PPP2R5E: variants seen among roughly 807,000 people sequenced by gnomAD.
The protein encoded by PPP2R5E is serine/threonine-protein phosphatase 2A 56 kDa regulatory subunit epsilon isoform.
In PPP2R5E, 4 loss-of-function variants were observed where a neutral mutation model predicts 65.3. The ratio of observed to expected loss-of-function variants is 0.06; its 90% confidence interval spans 0.03 to 0.14. The LOEUF is 0.14. PPP2R5E is among the 10% of genes least tolerant of loss of function. The pLI, the probability that PPP2R5E is intolerant of heterozygous loss-of-function variation, is 1.00. For synonymous variants in PPP2R5E, 183 were observed against 187.4 expected, an observed-to-expected ratio of 0.98 and a Z score of 0.19; for missense variants, 274 against 556.1, an observed-to-expected ratio of 0.49 and a Z score of 5.10.
At chr14:63,382,023 T>C in intron 13 of PPP2R5E, 33 bp downstream of exon 13, 1 of 1,553,830 alleles carries the variant, frequency 6.4e-7, no homozygotes, top group Non-Finnish European at 8.8e-7. Context: ...AATAGCTTTA[T>C]GCACAGCTGA....
intron 3 of PPP2R5E, among the ~76,000 whole-genome samples, chr14:63,429,887 T>C (rs1166522433): frequency 1.3e-5 from 2 of 152,138 alleles, no homozygotes; most frequent in Non-Finnish European, 2.9e-5. Context: ...TTTCACTATG[T>C]TGGTCAGGCT....
rs1883740276 is a variant in PPP2R5E, at chr14:63,372,492, T to C, written c.*3517A>G. On this transcript the variant is annotated 3_prime_UTR_variant, in exon 14 of 14. Transcript: ENST00000337537. ...AGGTGACTGTCACTTTATGATAACA[T>C]TGGTAATAGCATCAAAAGAGAATCT... The C allele has an allele frequency of 6.6e-6, 1 of 152,086 alleles. No homozygotes were observed. Among genetic ancestry groups the C allele is most frequent in the Admixed American group, 6.6e-5 (1 of 15,250 alleles). 9.4% of individuals were successfully genotyped at this position (152,086 alleles called of 1,614,324 possible).
At chr14:63,508,210 C>T in intron 2 of PPP2R5E, 4 of 985,562 alleles carry the variant, frequency 4.1e-6, no homozygotes, top group Non-Finnish European at 4.8e-6. Context: ...TCACACACCT[C>T]TTTGGAGCCA....
chr14:63,422,498 G>A (rs536295122), intron 3 of PPP2R5E, among the ~76,000 whole-genome samples: 4 of 152,176 alleles, frequency 2.6e-5, no homozygotes, highest in Admixed American at 1.3e-4. Flanking sequence ...AGGCCAAGGT[G>A]GGGGGATCAC....
chr14:63,398,912 T>C (rs1294482459), intron 5 of PPP2R5E, among the ~76,000 whole-genome samples: 1 of 152,176 alleles, frequency 6.6e-6, no homozygotes, highest in Non-Finnish European at 1.5e-5. Flanking sequence ...CCCTCATACA[T>C]TGTTGGTAAG....
At chr14:63,473,744 T>C (rs559085475) in intron 2 of PPP2R5E, among the ~76,000 whole-genome samples, 45 of 152,276 alleles carry the variant, frequency 3.0e-4, no homozygotes, top group African/African-American at 1.1e-3. Flanking sequence ...GGGGATGACA[T>C]GGAGAGAGAA....
At chr14:63,539,401 C>T (rs1168774834) in intron 2 of PPP2R5E, 128 bp downstream of exon 2, 1 of 1,014,266 alleles carries the variant, frequency 9.9e-7, no homozygotes, top group Non-Finnish European at 1.4e-6. Flanking sequence ...ACATTAGTAA[C>T]TTCAATGTAT....
chr14:63,442,083 A>G (rs867122259), intron 3 of PPP2R5E, among the ~76,000 whole-genome samples: 51 of 152,094 alleles, frequency 3.4e-4, no homozygotes, highest in African/African-American at 1.1e-3. Flanking sequence ...AGTACAGACC[A>G]GTTTCCCTAC....
chr14:63,440,624 A>C (rs1457979898), intron 3 of PPP2R5E, among the ~76,000 whole-genome samples: 1 of 152,030 alleles, frequency 6.6e-6, no homozygotes, highest in East Asian at 1.9e-4. Context: ...CCAGGAAAGC[A>C]TTATGGCTTA....
In PPP2R5E at chr14:63,403,387, CAAAAAAAA is replaced by C. The variant is rs35226807; in HGVS notation, c.550-6679_550-6672del. Among the ~76,000 whole-genome samples, 6 of 79,260 alleles carry C rather than the reference CAAAAAAAA, an allele frequency of 7.6e-5. No individual in the cohort carries two copies. The South Asian group carries it at 2.5e-3, about 33-fold the overall frequency. 52.0% of individuals were successfully genotyped at this position (79,260 alleles called of 152,430 possible). A position where few individuals can be genotyped will look rare whatever the true frequency, so the allele number is the denominator to read the frequency against. Reference sequence around the variant, plus strand: ...TGGGCGACAAAGCGAGAGTCTGTCTCAAAAAAAAAAAAAAAAAAAAAAATGTAGGCAGA... The same window carrying C: ...TGGGCGACAAAGCGAGAGTCTGTCTCAAAAAAAAAAAAAAATGTAGGCAGA... On this transcript the variant is annotated intron_variant, in intron 5 of 13. Transcript: ENST00000337537.
At chr14:63,488,461 C>G (rs149599845) in intron 2 of PPP2R5E, among the ~76,000 whole-genome samples, 2,161 of 152,204 alleles carry the variant, frequency 0.014, 42 homozygotes, top group Non-Finnish European at 0.022. Flanking sequence ...CTTTGGCCTC[C>G]CAAAGTGCTG....
chr14:63,402,053 T>A (rs1885784899), intron 5 of PPP2R5E, among the ~76,000 whole-genome samples: 1 of 151,990 alleles, frequency 6.6e-6, no homozygotes, highest in African/African-American at 2.4e-5. Context: ...AAGTATCTAA[T>A]CTTGGAGACA....
intron 2 of PPP2R5E, among the ~76,000 whole-genome samples, chr14:63,513,984 C>A (rs10129182): frequency 1.3e-5 from 2 of 152,058 alleles, no homozygotes; most frequent in Non-Finnish European, 1.5e-5. Flanking sequence ...ATGTTTTCTA[C>A]GGCATATTTC....
intron 2 of PPP2R5E, among the ~76,000 whole-genome samples, chr14:63,504,360 T>A (rs1892054891): frequency 6.6e-6 from 1 of 152,024 alleles, no homozygotes; most frequent in African/African-American, 2.4e-5. Flanking sequence ...GGCAGGAGGA[T>A]CACTTCAGGT....
chr14:63,422,728 T>TAAAA (rs1566690431), intron 3 of PPP2R5E, among the ~76,000 whole-genome samples: 1 of 109,222 alleles, frequency 9.2e-6, no homozygotes, highest in Non-Finnish European at 1.8e-5. Flanking sequence ...CTCCGTCTAT[T>TAAAA]TAAAAAAAAA....
At chr14:63,474,673 CAAAAAAAAAAAAAAA>C (rs1157357885) in intron 2 of PPP2R5E, among the ~76,000 whole-genome samples, 1 of 27,730 alleles carries the variant, frequency 3.6e-5, no homozygotes, top group Non-Finnish European at 7.5e-5. Flanking sequence ...TACCCCATCT[CAAAAAAAAAAAAAAA>C]AAAAAAAAAA....
intron 5 of PPP2R5E, 144 bp from the exon 6 acceptor site, chr14:63,396,860 G>A: frequency 2.1e-6 from 2 of 935,348 alleles, no homozygotes. Context: ...TAGTCTTTGG[G>A]CATATCATGA....
intron 3 of PPP2R5E, among the ~76,000 whole-genome samples, chr14:63,434,977 G>C (rs1887882201): frequency 6.6e-6 from 1 of 152,126 alleles, no homozygotes; most frequent in Non-Finnish European, 1.5e-5. Context: ...GGAGTGTTAG[G>C]AACCATCAGA....
intron 2 of PPP2R5E, among the ~76,000 whole-genome samples, chr14:63,488,800 G>T (rs1458187968): frequency 6.6e-6 from 1 of 151,916 alleles, no homozygotes; most frequent in Non-Finnish European, 1.5e-5. Context: ...AGAGAGCCAA[G>T]ATCGCACCAC....
Sources: gnomAD v4.1 joint callset for allele counts (sites outside exome capture counted in the v4.1 genomes callset) on GRCh38, gnomAD v4.1.1 for gene constraint, MANE v1.5 for transcripts, NCBI Gene and HGNC (gene_info 2026-07-23, HGNC 2026-07-21) for gene names.